IFT88: variants seen among roughly 807,000 people sequenced by gnomAD.
IFT88 encodes intraflagellar transport 88.
IFT88 carries 74 observed loss-of-function variants against 119.5 expected under a neutral mutation model. The observed-to-expected ratio is 0.62, with a 90% confidence interval of 0.51 to 0.75. The LOEUF is 0.75. Ranked by LOEUF, IFT88 falls within the 30% of genes least tolerant of loss-of-function variation. The probability of loss-of-function intolerance (pLI) is 0.00; values close to 1 mark genes in which losing one functional copy is unlikely to be tolerated. For synonymous variants in IFT88, 279 were observed against 316.7 expected (o/e 0.88, Z 1.26); for missense variants, 961 against 977.7 (o/e 0.98, Z 0.23).
At chr13:20,667,005 G>T (rs749828058) in intron 23 of IFT88, among the ~76,000 whole-genome samples, 33 of 152,134 alleles carry the variant, frequency 2.2e-4, no homozygotes, top group Non-Finnish European at 4.0e-4. Context: ...CACCCACTTC[G>T]CAGAATAACA....
intron 24 of IFT88, among the ~76,000 whole-genome samples, chr13:20,671,811 T>G (rs776725680): frequency 6.6e-6 from 1 of 152,194 alleles, no homozygotes; most frequent in South Asian, 2.1e-4. Context: ...CTCAGCACTC[T>G]CATGCATATA....
intron 3 of IFT88, among the ~76,000 whole-genome samples, chr13:20,584,993 C>T (rs1016561160): frequency 6.6e-6 from 1 of 152,310 alleles, no homozygotes; most frequent in African/African-American, 2.4e-5. Context: ...GCTATCCAGC[C>T]GAAACTCCTT....
chr13:20,583,538 A>G (rs1016228437), intron 3 of IFT88, among the ~76,000 whole-genome samples: 3 of 152,154 alleles, frequency 2.0e-5, no homozygotes, highest in African/African-American at 4.8e-5. Flanking sequence ...TTAATGTCTT[A>G]TCAGATGTCT....
chr13:20,609,768 A>G (rs966206214), intron 13 of IFT88, among the ~76,000 whole-genome samples: 1 of 92,316 alleles, frequency 1.1e-5, no homozygotes, highest in African/African-American at 6.0e-5. Context: ...AAACAGAAAA[A>G]AAACAAAAAA....
chr13:20,598,087 A>G (rs1220713295), intron 9 of IFT88, among the ~76,000 whole-genome samples: 2 of 152,142 alleles, frequency 1.3e-5, no homozygotes, highest in Non-Finnish European at 1.5e-5. Flanking sequence ...ACACATAGGA[A>G]AAAAAGGGCG....
intron 16 of IFT88, among the ~76,000 whole-genome samples, chr13:20,635,069 A>G (rs925887102): frequency 6.6e-6 from 1 of 150,814 alleles, no homozygotes; most frequent in Non-Finnish European, 1.5e-5. Context: ...TTGTCCTGGC[A>G]ATAGTTTGCT....
At chr13:20,669,125 A>G (rs747545403) in intron 23 of IFT88, among the ~76,000 whole-genome samples, 4 of 152,208 alleles carry the variant, frequency 2.6e-5, no homozygotes, top group Non-Finnish European at 4.4e-5. Context: ...GGCAAGGACC[A>G]TAGTTCCAAT....
intron 5 of IFT88, 32 bp downstream of exon 5, chr13:20,591,052 C>T (rs769169275): frequency 1.3e-6 from 2 of 1,530,066 alleles, no homozygotes; most frequent in Admixed American, 1.9e-5. Context: ...TCATTTTGTG[C>T]CTTTCTTGTG....
At chr13:20,578,034 CTTTTTTTTT>C (rs57202566) in intron 2 of IFT88, among the ~76,000 whole-genome samples, 5 of 55,872 alleles carry the variant, frequency 8.9e-5, no homozygotes, top group African/African-American at 2.6e-4. Flanking sequence ...CTTGTTACTT[CTTTTTTTTT>C]TTTTTTTTTT....
At chr13:20,614,473 TTATA>T (rs2139613691) in intron 13 of IFT88, 1 of 152,306 alleles carries the variant, frequency 6.6e-6, no homozygotes, top group Non-Finnish European at 1.5e-5. Context: ...TTCTGGAAGA[TTATA>T]TATAACCTTA....
At chr13:20,669,001 A>T (rs1284343490) in intron 23 of IFT88, among the ~76,000 whole-genome samples, 2 of 152,088 alleles carry the variant, frequency 1.3e-5, no homozygotes, top group East Asian at 1.9e-4. Flanking sequence ...TTTTGTACTG[A>T]TGGAGCTGTT....
chr13:20,674,938 C>T (rs1355508412), intron 24 of IFT88, among the ~76,000 whole-genome samples: 2 of 151,774 alleles, frequency 1.3e-5, no homozygotes, highest in African/African-American at 4.8e-5. Flanking sequence ...TGGTCTCGAT[C>T]TCCTGACCTC....
In IFT88 at chr13:20,605,046, T is replaced by C; in HGVS notation, c.1053T>C (p.His351=). The C allele has an allele frequency of 1.4e-6, 2 of 1,465,762 alleles. No homozygotes were observed. The highest frequency in any genetic ancestry group is 1.9e-6 in the Non-Finnish European group (2 of 1,047,870). 90.8% of individuals were successfully genotyped at this position (1,465,762 alleles called of 1,614,324 possible). The change falls in exon 13 of 26, where the codon CAT becomes CAC. Residue 351 remains histidine, a synonymous_variant. Coordinates refer to ENST00000351808, the MANE Select transcript of IFT88 (RefSeq NM_006531.5). ...TTTTATTTTACCAGGATGATCCTCA[T>C]ACTAACTTAGTAACTGAAGCTATAA... ...DKYISPSDDP[H]TNLVTEAIKN... is the part of the protein sequence containing the mutation.
At chr13:20,621,644 T>C (rs1284782835) in intron 14 of IFT88, among the ~76,000 whole-genome samples, 1 of 151,648 alleles carries the variant, frequency 6.6e-6, no homozygotes, top group Admixed American at 6.6e-5. Flanking sequence ...ATGTACAGAG[T>C]TTCCATATAT....
chr13:20,675,266 G>C (rs892669417), intron 24 of IFT88, among the ~76,000 whole-genome samples: 9 of 152,024 alleles, frequency 5.9e-5, no homozygotes, highest in Non-Finnish European at 7.4e-5. Context: ...TTGAGAGGCC[G>C]GGGGGCGGGT....
intron 7 of IFT88, 91 bp downstream of exon 7, chr13:20,592,495 T>G: frequency 8.5e-4 from 663 of 778,350 alleles, no homozygotes; most frequent in Non-Finnish European, 1.2e-3. Context: ...TTTGAGATGA[T>G]ATCTCACTCT....
At chr13:20,687,852 T>G (rs2058097562) in intron 24 of IFT88, among the ~76,000 whole-genome samples, 1 of 114,142 alleles carries the variant, frequency 8.8e-6, no homozygotes, top group African/African-American at 4.5e-5. Context: ...AAAGTTTAAA[T>G]CCAATGTGCA....
At chr13:20,662,211 C>CTTT (rs980698615) in intron 22 of IFT88, among the ~76,000 whole-genome samples, 3 of 152,036 alleles carry the variant, frequency 2.0e-5, no homozygotes, top group African/African-American at 7.2e-5. Context: ...CCAGCAAACT[C>CTTT]TAACAGACCT....
At chr13:20,690,967 T>C (rs2058411697) in intron 25 of IFT88, 87 bp from the exon 26 acceptor site, 1 of 1,501,266 alleles carries the variant, frequency 6.7e-7, no homozygotes, top group Non-Finnish European at 9.2e-7. Context: ...CACTCTGAGT[T>C]ATTCATTTTG....
Sources: allele counts gnomAD v4.1 joint callset (sites outside exome capture counted in the v4.1 genomes callset), GRCh38; gene constraint gnomAD v4.1.1; transcripts MANE v1.5; gene names NCBI Gene and HGNC (gene_info 2026-07-23, HGNC 2026-07-21).